ZBTB20: variants seen among roughly 807,000 people sequenced by gnomAD.
ZBTB20 encodes zinc finger and BTB domain containing 20.
Under a neutral mutation model 56.9 loss-of-function variants are expected in ZBTB20, and 9 were observed. That is an observed-to-expected ratio of 0.16 (90% CI 0.10 to 0.28). ZBTB20 has a LOEUF of 0.28. Among genes scored for constraint, ZBTB20 ranks in the 10% least tolerant of loss-of-function variants. The pLI is 1.00. For missense variants in ZBTB20, 655 were observed against 1,003.0 expected (o/e 0.65, Z 4.69); for synonymous variants, 417 against 420.7 (o/e 0.99, Z 0.11).
chr3:114,778,868 TA>T (rs1198521802), intron 5 of ZBTB20, among the ~76,000 whole-genome samples: 3 of 152,196 alleles, frequency 2.0e-5, no homozygotes, highest in Admixed American at 6.6e-5. Context: ...AAGAACAGTC[TA>T]TTTTTAAATA....
chr3:114,916,940 T>G (rs576678862), intron 3 of ZBTB20, among the ~76,000 whole-genome samples: 1 of 152,300 alleles, frequency 6.6e-6, no homozygotes, highest in East Asian at 1.9e-4. Context: ...TCTCTAGGCT[T>G]GTGAAGTTCT....
Position 114,363,619 on chromosome 3 carries a change from T to C in ZBTB20, c.200-11741A>G, listed in dbSNP as rs1053222362. 2.0e-5 allele frequency among the ~76,000 whole-genome samples: 3 copies of C among 152,160 alleles called. No individual in the cohort carries two copies. The South Asian group carries it at 6.2e-4, about 32-fold the overall frequency. ...GTGTGTATGCTTCACAGGGATGTTG[T>C]AGGGACAAATAGAATATGAGGCACA... On this transcript the variant is annotated intron_variant, in intron 10 of 11. Coordinates refer to ENST00000675478, the MANE Select transcript of ZBTB20 (RefSeq NM_001348800.3).
intron 6 of ZBTB20, among the ~76,000 whole-genome samples, chr3:114,679,818 T>C (rs1355406231): frequency 1.3e-5 from 2 of 152,178 alleles, no homozygotes; most frequent in Non-Finnish European, 2.9e-5. Context: ...ATCATTCTAC[T>C]ATAAAGACTC....
chr3:114,914,602 G>A (rs2075672391), intron 3 of ZBTB20, among the ~76,000 whole-genome samples: 1 of 151,850 alleles, frequency 6.6e-6, no homozygotes, highest in East Asian at 1.9e-4. Flanking sequence ...GTTTTATGTT[G>A]AATAACAGTG....
rs2078223121 is a variant in ZBTB20 at position 114,979,027 on chromosome 3, G to T, written c.-506-4611C>A. Among the ~76,000 whole-genome samples, 3 of 151,910 alleles carry T rather than the reference G, an allele frequency of 2.0e-5. No individual in the cohort carries two copies. In the South Asian group the frequency reaches 6.2e-4, roughly 32 times the overall value. ...TAAGGAAGGAAAGGAGAAAGGGCAG[G>T]TATCGTGAGGAAGGGAAGAGAACAA... On this transcript the variant is annotated intron_variant, in intron 2 of 11. Transcript: ENST00000675478.
At chr3:114,570,966 T>G (rs1184354931) in intron 6 of ZBTB20, among the ~76,000 whole-genome samples, 4 of 152,226 alleles carry the variant, frequency 2.6e-5, no homozygotes, top group Non-Finnish European at 5.9e-5. Flanking sequence ...CTACTGCATA[T>G]TACTCTGTGC....
chr3:114,461,221 T>C (rs1315611400), intron 7 of ZBTB20, among the ~76,000 whole-genome samples: 1 of 151,988 alleles, frequency 6.6e-6, no homozygotes, highest in Non-Finnish European at 1.5e-5. Flanking sequence ...CACATTTTTT[T>C]CTGAGCTTTC....
chr3:114,958,912 A>T (rs1342252942), intron 3 of ZBTB20, among the ~76,000 whole-genome samples: 1 of 152,092 alleles, frequency 6.6e-6, no homozygotes, highest in East Asian at 1.9e-4. Context: ...CTTCAGGAGA[A>T]ATAGCTAGAA....
intron 3 of ZBTB20, among the ~76,000 whole-genome samples, chr3:114,951,223 T>A (rs910863074): frequency 6.6e-6 from 1 of 152,120 alleles, no homozygotes; most frequent in East Asian, 1.9e-4. Context: ...ATTGCGACCA[T>A]AAGAATTTCC....
At chr3:114,473,044 C>G (rs1462107168) in intron 7 of ZBTB20, among the ~76,000 whole-genome samples, 1 of 152,166 alleles carries the variant, frequency 6.6e-6, no homozygotes, top group East Asian at 1.9e-4. Flanking sequence ...CAATCAGAAA[C>G]AGTACAAGGA....
chr3:114,824,232 A>C (rs2073402060), intron 4 of ZBTB20, among the ~76,000 whole-genome samples: 1 of 152,074 alleles, frequency 6.6e-6, no homozygotes. Flanking sequence ...GCTAAGAGAC[A>C]ATTACAGCTG....
At chr3:114,597,744 A>G (rs776110737) in intron 6 of ZBTB20, among the ~76,000 whole-genome samples, 1 of 152,124 alleles carries the variant, frequency 6.6e-6, no homozygotes, top group Non-Finnish European at 1.5e-5. Context: ...ATTTTTCTAC[A>G]TCTGGCTCTC....
chr3:115,092,987 A>T (rs527564008), intron 1 of ZBTB20, among the ~76,000 whole-genome samples: 1 of 152,240 alleles, frequency 6.6e-6, no homozygotes, highest in African/African-American at 2.4e-5. Context: ...GATTATCTAC[A>T]TATATAGCTA....
intron 6 of ZBTB20, chr3:114,527,258 G>T (rs1351158473): frequency 6.6e-6 from 1 of 152,216 alleles, no homozygotes; most frequent in African/African-American, 2.4e-5. Flanking sequence ...TCTGATGGGA[G>T]TCTCACAGGA....
chr3:114,474,866 T>A (rs1010067903), intron 7 of ZBTB20, among the ~76,000 whole-genome samples: 2 of 152,188 alleles, frequency 1.3e-5, no homozygotes, highest in South Asian at 4.1e-4. Context: ...TCACCTGGAC[T>A]ATTGTAATAG....
chr3:114,767,092 T>C (rs2068840392), intron 5 of ZBTB20, among the ~76,000 whole-genome samples: 1 of 152,086 alleles, frequency 6.6e-6, no homozygotes, highest in Non-Finnish European at 1.5e-5. Context: ...TATCAGCAAA[T>C]ATAAGAATTA....
chr3:115,080,343 T>TA (rs1184538195), intron 1 of ZBTB20, among the ~76,000 whole-genome samples: 2 of 152,192 alleles, frequency 1.3e-5, no homozygotes, highest in African/African-American at 4.8e-5. Context: ...TCCATGGTCT[T>TA]ACAAAGATCA....
rs1278656494 is a variant in ZBTB20, at chr3:114,787,366, T to TATATATACAC, written c.-343+13734_-343+13735insGTGTATATAT. 2.2e-3 allele frequency among the ~76,000 whole-genome samples: 181 copies of TATATATACAC among 82,886 alleles called. 7 individuals are homozygous for TATATATACAC. Among genetic ancestry groups the TATATATACAC allele is most frequent in the African/African-American group, 9.1e-3 (172 of 18,998 alleles). The allele number at this position is 82,886 out of a possible 152,430, so 54.4% of individuals were successfully genotyped here. A position where few individuals can be genotyped will look rare whatever the true frequency, so the allele number is the denominator to read the frequency against. Reference sequence around the variant, plus strand: ...ATATATATATATATATATATATATATATACACACACACACACACACACACA... The same window carrying TATATATACAC: ...ATATATATATATATATATATATATATATATATACACATACACACACACACACACACACACA... On this transcript the variant is annotated intron_variant, in intron 5 of 11. Coordinates refer to ENST00000675478, the MANE Select transcript of ZBTB20 (RefSeq NM_001348800.3).
chr3:114,789,522 C>T (rs553478317), intron 5 of ZBTB20, among the ~76,000 whole-genome samples: 1 of 152,082 alleles, frequency 6.6e-6, no homozygotes, highest in South Asian at 2.1e-4. Context: ...GAATTAGGAA[C>T]CTCTGAGACA....
Sources: gnomAD v4.1 joint callset for allele counts (sites outside exome capture counted in the v4.1 genomes callset) on GRCh38, gnomAD v4.1.1 for gene constraint, MANE v1.5 for transcripts, NCBI Gene and HGNC (gene_info 2026-07-23, HGNC 2026-07-21) for gene names.